C21orf91: variants seen among roughly 807,000 people sequenced by gnomAD.
The protein encoded by C21orf91 is protein EURL homolog.
C21orf91 carries 26 observed loss-of-function variants against 32.9 expected under a neutral mutation model. The ratio of observed to expected loss-of-function variants is 0.79; its 90% confidence interval spans 0.58 to 1.10. The LOEUF is 1.10. Ranked by LOEUF, C21orf91 falls within the 50% of genes least tolerant of loss-of-function variation. The pLI is 0.00. For missense variants in C21orf91, 310 were observed against 341.3 expected (o/e 0.91, Z 0.72); for synonymous variants, 126 against 120.4 (o/e 1.05, Z -0.31).
chr21:17,815,005 A>G (rs563419678), intron 2 of C21orf91, among the ~76,000 whole-genome samples: 1 of 152,254 alleles, frequency 6.6e-6, no homozygotes, highest in African/African-American at 2.4e-5. Flanking sequence ...TTTCTTTTTC[A>G]TTATTGTAAA....
chr21:17,813,262 G>A (rs1165753331), intron 2 of C21orf91, among the ~76,000 whole-genome samples: 1 of 152,172 alleles, frequency 6.6e-6, no homozygotes, highest in Non-Finnish European at 1.5e-5. Context: ...AACAGTTTAT[G>A]TTCCCTTCGA....
chr21:17,800,022 C>A (rs765627635), intron 2 of C21orf91, among the ~76,000 whole-genome samples: 4 of 152,008 alleles, frequency 2.6e-5, no homozygotes, highest in Non-Finnish European at 5.9e-5. Context: ...GGCTATTAGT[C>A]TAAAGAACAT....
chr21:17,800,426 A>G (rs1281951141), intron 2 of C21orf91, among the ~76,000 whole-genome samples: 1 of 152,222 alleles, frequency 6.6e-6, no homozygotes, highest in African/African-American at 2.4e-5. Context: ...TGCATCAGTA[A>G]TACACATATC....
intron 2 of C21orf91, among the ~76,000 whole-genome samples, chr21:17,808,504 G>A (rs1022407137): frequency 1.3e-5 from 2 of 152,226 alleles, no homozygotes; most frequent in Non-Finnish European, 2.9e-5. Context: ...TGGAGCTGTG[G>A]GAAGAGGGTC....
At chr21:17,800,864 C>T (rs1371637018) in intron 2 of C21orf91, among the ~76,000 whole-genome samples, 1 of 152,112 alleles carries the variant, frequency 6.6e-6, no homozygotes, top group Admixed American at 6.5e-5. Context: ...AACCAAAAGT[C>T]TTAATCTTAT....
rs1325081025 is a variant in C21orf91 at position 17,790,975 on chromosome 21, A to G, written c.*2440T>C. On this transcript the variant is annotated 3_prime_UTR_variant, in exon 5 of 5. Coordinates refer to ENST00000284881, the MANE Select transcript of C21orf91 (RefSeq NM_001100420.2). ...TTTGCCACTTTTTAAACAGTAGTAC[A>G]TGAGATATGCTTCAAAACATTCTCA... 6.6e-6 allele frequency: 1 copy of G among 152,146 alleles called. No individual in the cohort carries two copies. The highest frequency in any genetic ancestry group is 1.5e-5 in the Non-Finnish European group (1 of 67,966). 9.4% of individuals were successfully genotyped at this position (152,146 alleles called of 1,614,324 possible).
intron 2 of C21orf91, among the ~76,000 whole-genome samples, chr21:17,817,318 A>T (rs950551777): frequency 6.6e-6 from 1 of 152,214 alleles, no homozygotes; most frequent in African/African-American, 2.4e-5. Context: ...AGAACATTTC[A>T]TACCCCATAC....
intron 2 of C21orf91, among the ~76,000 whole-genome samples, chr21:17,802,000 C>T (rs1443419442): frequency 1.3e-5 from 2 of 151,968 alleles, no homozygotes. Flanking sequence ...TACTATTATT[C>T]TGTACTTTGA....
Position 17,818,153 on chromosome 21 carries a change from A to G in C21orf91, c.127+39T>C, listed in dbSNP as rs1455507683. On this transcript the variant is annotated intron_variant, in intron 2 of 4. Coordinates refer to ENST00000284881, the MANE Select transcript of C21orf91 (RefSeq NM_001100420.2). ...CAATCAGTACAAAGCAGCTGTGTTA[A>G]ATTCATTCCATAAGATCAAAACTAT... 5.9e-6 allele frequency: 9 copies of G among 1,532,790 alleles called. No individual in the cohort carries two copies. The Admixed American group carries it at 1.1e-4, about 18-fold the overall frequency. 94.9% of individuals were successfully genotyped at this position (1,532,790 alleles called of 1,614,324 possible). A position where few individuals can be genotyped will look rare whatever the true frequency, so the allele number is the denominator to read the frequency against.
chr21:17,804,352 C>CT (rs771031972), intron 2 of C21orf91, among the ~76,000 whole-genome samples: 4 of 152,130 alleles, frequency 2.6e-5, no homozygotes, highest in Non-Finnish European at 5.9e-5. Flanking sequence ...AGGCTTCTGC[C>CT]TCTTAAAATT....
At chr21:17,793,783 T>C (rs1164605232) in intron 4 of C21orf91, among the ~76,000 whole-genome samples, 3 of 152,188 alleles carry the variant, frequency 2.0e-5, no homozygotes, top group African/African-American at 7.2e-5. Context: ...CATAGCCAAA[T>C]GGAATTTGGC....
intron 2 of C21orf91, among the ~76,000 whole-genome samples, chr21:17,797,887 A>G (rs1160744661): frequency 3.3e-5 from 5 of 152,048 alleles, no homozygotes; most frequent in Admixed American, 6.6e-5. Flanking sequence ...TTAGTAGAGT[A>G]TAAGTATGCT....
chr21:17,789,078 A>G lies in C21orf91; in HGVS notation c.*4337T>C, dbSNP rs2062450250. 5 of 152,210 alleles carry G rather than the reference A, an allele frequency of 3.3e-5. No individual in the cohort carries two copies. Among genetic ancestry groups the G allele is most frequent in the Admixed American group, 3.3e-4 (5 of 15,284 alleles). 9.4% of individuals were successfully genotyped at this position (152,210 alleles called of 1,614,324 possible). On this transcript the variant is annotated 3_prime_UTR_variant, in exon 5 of 5. Transcript: ENST00000284881. ...AATATATAAATTATTGCAGTTTTCA[A>G]AGAAAATATAACAGCCAAATAATTG...
At chr21:17,797,764 T>G (rs1270282142) in intron 2 of C21orf91, among the ~76,000 whole-genome samples, 1 of 152,024 alleles carries the variant, frequency 6.6e-6, no homozygotes, top group Non-Finnish European at 1.5e-5. Context: ...TCAATCATTT[T>G]CCATACAGCA....
At chr21:17,813,656 G>A (rs1381347281) in intron 2 of C21orf91, among the ~76,000 whole-genome samples, 1 of 152,196 alleles carries the variant, frequency 6.6e-6, no homozygotes, top group Non-Finnish European at 1.5e-5. Flanking sequence ...GACCAGAACT[G>A]TTTCAAATTT....
At chr21:17,796,232 T>A (rs749924939) in intron 3 of C21orf91, among the ~76,000 whole-genome samples, 1 of 152,224 alleles carries the variant, frequency 6.6e-6, no homozygotes, top group East Asian at 1.9e-4. Context: ...AGTCAATTAG[T>A]CTTACAGGGA....
At chr21:17,796,151 T>C (rs2062516154) in intron 3 of C21orf91, among the ~76,000 whole-genome samples, 1 of 152,206 alleles carries the variant, frequency 6.6e-6, no homozygotes, top group African/African-American at 2.4e-5. Flanking sequence ...TTTCTAACTT[T>C]ACAATAAGTG....
chr21:17,789,286 C>CAAA lies in C21orf91; in HGVS notation c.*4126_*4128dup, dbSNP rs1568744656. On this transcript the variant is annotated 3_prime_UTR_variant, in exon 5 of 5. Coordinates refer to ENST00000284881, the MANE Select transcript of C21orf91 (RefSeq NM_001100420.2). ...ACACACACACACACACACACACACACAAAATGGAACTGAACAAAAGTCACT... is the reference window on the plus strand; with the variant it reads ...ACACACACACACACACACACACACACAAAAAAATGGAACTGAACAAAAGTCACT... 1 of 147,610 alleles carries CAAA rather than the reference C, an allele frequency of 6.8e-6. No homozygotes were observed. Among genetic ancestry groups the CAAA allele is most frequent in the Admixed American group, 6.7e-5 (1 of 14,828 alleles). 9.1% of individuals were successfully genotyped at this position (147,610 alleles called of 1,614,324 possible).
chr21:17,808,107 G>A (rs1048211723), intron 2 of C21orf91, among the ~76,000 whole-genome samples: 3 of 152,236 alleles, frequency 2.0e-5, no homozygotes, highest in Admixed American at 6.5e-5. Flanking sequence ...AGGCCCAGAG[G>A]CCTAGGAGGA....
Sources: gnomAD v4.1 joint callset for allele counts (sites outside exome capture counted in the v4.1 genomes callset) on GRCh38, gnomAD v4.1.1 for gene constraint, MANE v1.5 for transcripts, NCBI Gene and HGNC (gene_info 2026-07-23, HGNC 2026-07-21) for gene names.